OR5D16: variants seen among roughly 807,000 people sequenced by gnomAD.
OR5D16 encodes olfactory receptor family 5 subfamily D member 16.
For missense variants in OR5D16, 477 were observed against 385.5 expected, an observed-to-expected ratio of 1.24 and a Z score of -1.99; for synonymous variants, 185 against 153.2, an observed-to-expected ratio of 1.21 and a Z score of -1.53.
rs764880156 is a variant in OR5D16 at position 55,839,030 on chromosome 11, C to A, written c.279C>A (p.Thr93=). ...TGAACCTGGTTGTAGAAGATAGAAC[C>A]ATTTCATTCTCAGGATGTTTGGTGC... ...MLVNLVVEDR[T]ISFSGCLVQF... is the part of the protein sequence containing the mutation. The change falls in exon 1 of 1, where the codon ACC becomes ACA. Residue 93 remains threonine, a synonymous_variant. Coordinates refer to ENST00000378396, the MANE Select transcript of OR5D16 (RefSeq NM_001005496.1). 6.2e-7 allele frequency: 1 copy of A among 1,613,982 alleles called. No homozygotes were observed. The highest frequency in any genetic ancestry group is 1.7e-5 in the Admixed American group (1 of 60,000).
chr11:55,839,600 G>T lies in OR5D16; in HGVS notation c.849G>T (p.Val283=). The change falls in exon 1 of 1, where the codon GTG becomes GTT. Residue 283 remains valine, a synonymous_variant. Coordinates refer to ENST00000378396, the MANE Select transcript of OR5D16 (RefSeq NM_001005496.1). The part of the protein sequence containing the change: ...VKVASVFYTV[V]IPLLNPLIYS... ...TGGCCTCTGTGTTTTACACCGTGGTGATCCCCTTGTTGAATCCCCTGATCT... is the reference window on the plus strand; with the variant it reads ...TGGCCTCTGTGTTTTACACCGTGGTTATCCCCTTGTTGAATCCCCTGATCT... The T allele has an allele frequency of 5.6e-6, 9 of 1,613,934 alleles. No individual in the cohort carries two copies. Among genetic ancestry groups the T allele is most frequent in the Non-Finnish European group, 7.6e-6 (9 of 1,179,926 alleles).
rs368224881 is a variant in OR5D16, at chr11:55,839,442, C to A, written c.691C>A (p.Pro231Thr). ...CATCATTGTCACCACCTTGAAGATGCCTTCAGCCAGTGGGCACCGCAAAGT... is the reference window on the plus strand; with the variant it reads ...CATCATTGTCACCACCTTGAAGATGACTTCAGCCAGTGGGCACCGCAAAGT... ...AFIIVTTLKM[P>T]SASGHRKVFS... The change falls in exon 1 of 1, where the codon CCT becomes ACT. Residue 231 changes from proline (P) to threonine (T), a missense_variant. Physicochemically the swap from Pro to Thr is conservative, Grantham distance 38 (BLOSUM62 -1). Coordinates refer to ENST00000378396, the MANE Select transcript of OR5D16 (RefSeq NM_001005496.1). The A allele has an allele frequency of 6.2e-7, 1 of 1,613,926 alleles. No individual in the cohort carries two copies. Among genetic ancestry groups the A allele is most frequent in the Non-Finnish European group, 8.5e-7 (1 of 1,179,960 alleles).
In OR5D16 at chr11:55,838,820, G is replaced by A. The variant is rs538465236; in HGVS notation, c.69G>A (p.Leu23=). Residue 23 remains leucine, a synonymous_variant, in exon 1 of 1, where the codon CTG becomes CTA. Transcript: ENST00000378396. The part of the protein sequence containing the change: ...TFTLLGFSDY[L]ELQIPLFFVF... Reference sequence around the variant, plus strand: ...CTCTCTTGGGCTTCTCAGATTACCTGGAACTGCAAATTCCCCTCTTCTTTG... The same window carrying A: ...CTCTCTTGGGCTTCTCAGATTACCTAGAACTGCAAATTCCCCTCTTCTTTG... The A allele has an allele frequency of 6.8e-6, 11 of 1,613,754 alleles. No individual in the cohort carries two copies. In the East Asian group the frequency reaches 2.0e-4, roughly 29 times the overall value.
chr11:55,839,128 T>A lies in OR5D16; in HGVS notation c.377T>A (p.Val126Glu), dbSNP rs1451121533. The stretch of plus-strand genomic sequence containing the variant: ...GCGGTGATGGCCTATGACCACTTTG[T>A]GGCCATTTGCAATCCTCTGCTCTAC... ...LFAVMAYDHF[V>E]AICNPLLYTV... Residue 126 changes from valine (V) to glutamate (E), a missense_variant, in exon 1 of 1, where the codon GTG becomes GAG. By Grantham distance (121) the Val-to-Glu change is moderately radical (BLOSUM62 -2). Transcript: ENST00000378396. The A allele has an allele frequency of 3.1e-6, 5 of 1,613,858 alleles. No homozygotes were observed. Among genetic ancestry groups the A allele is most frequent in the Non-Finnish European group, 4.2e-6 (5 of 1,179,988 alleles).
At position 55,839,100 on chromosome 11, in the gene OR5D16, T is replaced by C. The variant is rs1448594809; in HGVS notation, c.349T>C (p.Phe117Leu). 1.2e-6 allele frequency: 2 copies of C among 1,614,108 alleles called. No individual in the cohort carries two copies. Among genetic ancestry groups the C allele is most frequent in the South Asian group, 1.1e-5 (1 of 91,090 alleles). ...CTFVVTELIL[F>L]AVMAYDHFVA... ...CTTTGTAGTGACTGAATTAATTCTATTTGCGGTGATGGCCTATGACCACTT... is the reference window on the plus strand; with the variant it reads ...CTTTGTAGTGACTGAATTAATTCTACTTGCGGTGATGGCCTATGACCACTT... Residue 117 changes from phenylalanine to leucine, a missense_variant, in exon 1 of 1, where the codon TTT becomes CTT. By Grantham distance (22) the Phe-to-Leu change is conservative. Coordinates refer to ENST00000378396, the MANE Select transcript of OR5D16 (RefSeq NM_001005496.1).
Position 55,839,049 on chromosome 11 carries a change from T to C in OR5D16, c.298T>C (p.Leu100=), listed in dbSNP as rs754578076. Residue 100 remains leucine, a synonymous_variant, in exon 1 of 1, where the codon TTG becomes CTG. Coordinates refer to ENST00000378396, the MANE Select transcript of OR5D16 (RefSeq NM_001005496.1). ...EDRTISFSGC[L]VQFFFFCTFV... is the part of the protein sequence containing the mutation. ...TAGAACCATTTCATTCTCAGGATGT[T>C]TGGTGCAATTCTTTTTCTTTTGCAC... 2.5e-6 allele frequency: 4 copies of C among 1,614,084 alleles called. No homozygotes were observed. The South Asian group carries it at 4.4e-5, about 18-fold the overall frequency.
Position 55,839,468 on chromosome 11 carries a change from C to A in OR5D16, c.717C>A (p.Val239=), listed in dbSNP as rs764583326. The A allele has an allele frequency of 1.7e-5, 27 of 1,613,880 alleles. No individual in the cohort carries two copies. The Admixed American group carries it at 4.3e-4, about 26-fold the overall frequency. ...CTTCAGCCAGTGGGCACCGCAAAGT[C>A]TTCTCCACCTGTGCCTCCCACCTGA... ...KMPSASGHRK[V]FSTCASHLTA... is the part of the protein sequence containing the mutation. Residue 239 remains valine, a synonymous_variant, in exon 1 of 1, where the codon GTC becomes GTA. Coordinates refer to ENST00000378396, the MANE Select transcript of OR5D16 (RefSeq NM_001005496.1).
chr11:55,839,074 C>G lies in OR5D16; in HGVS notation c.323C>G (p.Thr108Ser). 1 of 1,613,942 alleles carries G rather than the reference C, an allele frequency of 6.2e-7. No individual in the cohort carries two copies. The highest frequency in any genetic ancestry group is 1.3e-5 in the African/African-American group (1 of 74,984). Residue 108 changes from threonine (T) to serine (S), a missense_variant, in exon 1 of 1, where the codon ACC becomes AGC. Physicochemically the swap from Thr to Ser is moderately conservative, Grantham distance 58. Transcript: ENST00000378396. Reference sequence around the variant, plus strand: ...TTGGTGCAATTCTTTTTCTTTTGCACCTTTGTAGTGACTGAATTAATTCTA... The same window carrying G: ...TTGGTGCAATTCTTTTTCTTTTGCAGCTTTGTAGTGACTGAATTAATTCTA... ...GCLVQFFFFCTFVVTELILFA... is the reference protein window; with the variant it reads ...GCLVQFFFFCSFVVTELILFA...
In OR5D16 at chr11:55,838,874, G is replaced by A. The variant is rs1311116630; in HGVS notation, c.123G>A (p.Val41=). 1 of 1,613,912 alleles carries A rather than the reference G, an allele frequency of 6.2e-7. No homozygotes were observed. Among genetic ancestry groups the A allele is most frequent in the Non-Finnish European group, 8.5e-7 (1 of 1,179,946 alleles). Reference sequence around the variant, plus strand: ...TTCTGGCAGTCTACGGCTTCAGTGTGGTAGGGAATCTTGGGATGATAGTGA... The same window carrying A: ...TTCTGGCAGTCTACGGCTTCAGTGTAGTAGGGAATCTTGGGATGATAGTGA... ...FVFLAVYGFS[V]VGNLGMIVII... Residue 41 remains valine, a synonymous_variant, in exon 1 of 1, where the codon GTG becomes GTA. Coordinates refer to ENST00000378396, the MANE Select transcript of OR5D16 (RefSeq NM_001005496.1).
At position 55,839,656 on chromosome 11, in the gene OR5D16, C is replaced by A; in HGVS notation, c.905C>A (p.Ala302Glu). The change falls in exon 1 of 1, where the codon GCA becomes GAA. Residue 302 changes from alanine to glutamate, a missense_variant. By Grantham distance (107) the Ala-to-Glu change is moderately radical (BLOSUM62 -1). Transcript: ENST00000378396. ...CTGAGAAATAAAGATGTTAAGGATG[C>A]AATCCGAAAAATAATCAATACAAAA... ...YSLRNKDVKD[A>E]IRKIINTKYF... is the part of the protein sequence containing the mutation. 1 of 1,611,528 alleles carries A rather than the reference C, an allele frequency of 6.2e-7. No individual in the cohort carries two copies. Among genetic ancestry groups the A allele is most frequent in the Non-Finnish European group, 8.5e-7 (1 of 1,177,844 alleles).
At position 55,839,070 on chromosome 11, in the gene OR5D16, T is replaced by G. The variant is rs780577207; in HGVS notation, c.319T>G (p.Cys107Gly). Residue 107 changes from cysteine to glycine, a missense_variant, in exon 1 of 1, where the codon TGC (cysteine) becomes GGC (glycine). Physicochemically the swap from Cys to Gly is radical, Grantham distance 159 (BLOSUM62 -3). Transcript: ENST00000378396. ...SGCLVQFFFF[C>G]TFVVTELILF... is the part of the protein sequence containing the mutation. ...ATGTTTGGTGCAATTCTTTTTCTTT[T>G]GCACCTTTGTAGTGACTGAATTAAT... The G allele has an allele frequency of 6.2e-7, 1 of 1,614,106 alleles. No individual in the cohort carries two copies. The highest frequency in any genetic ancestry group is 2.2e-5 in the East Asian group (1 of 44,862).
rs779730613 is a variant in OR5D16 at position 55,838,887 on chromosome 11, G to C, written c.136G>C (p.Gly46Arg). The change falls in exon 1 of 1, where the codon GGG (glycine) becomes CGG (arginine). Residue 46 changes from glycine to arginine, a missense_variant. Physicochemically the swap from Gly to Arg is moderately radical, Grantham distance 125. Coordinates refer to ENST00000378396, the MANE Select transcript of OR5D16 (RefSeq NM_001005496.1). The stretch of plus-strand genomic sequence containing the variant: ...CGGCTTCAGTGTGGTAGGGAATCTT[G>C]GGATGATAGTGATCATCAAAATTAA... ...VYGFSVVGNL[G>R]MIVIIKINPK... is the part of the protein sequence containing the mutation. The C allele has an allele frequency of 5.0e-6, 8 of 1,613,776 alleles. No individual in the cohort carries two copies. The highest frequency in any genetic ancestry group is 1.7e-4 in the Middle Eastern group (1 of 6,058).
In OR5D16 at chr11:55,839,455, G is replaced by T. The variant is rs781145056; in HGVS notation, c.704G>T (p.Gly235Val). The change falls in exon 1 of 1, where the codon GGG becomes GTG. Residue 235 changes from glycine (G) to valine (V), a missense_variant. Physicochemically the swap from Gly to Val is moderately radical, Grantham distance 109. Transcript: ENST00000378396. ...VTTLKMPSAS[G>V]HRKVFSTCAS... ...ACCTTGAAGATGCCTTCAGCCAGTG[G>T]GCACCGCAAAGTCTTCTCCACCTGT... 1.2e-6 allele frequency: 2 copies of T among 1,613,900 alleles called. No individual in the cohort carries two copies. The highest frequency in any genetic ancestry group is 4.5e-5 in the East Asian group (2 of 44,852).
Position 55,838,931 on chromosome 11 carries a change from C to G in OR5D16, c.180C>G (p.Pro60=). 8.1e-6 allele frequency: 13 copies of G among 1,613,952 alleles called. No individual in the cohort carries two copies. Among genetic ancestry groups the G allele is most frequent in the Non-Finnish European group, 1.1e-5 (13 of 1,179,882 alleles). Reference sequence around the variant, plus strand: ...AAATTAACCCAAAATTGCATACCCCCATGTATTTTTTCCTCAACCACCTCT... The same window carrying G: ...AAATTAACCCAAAATTGCATACCCCGATGTATTTTTTCCTCAACCACCTCT... ...IIKINPKLHT[P]MYFFLNHLSF... is the part of the protein sequence containing the mutation. Residue 60 remains proline, a synonymous_variant, in exon 1 of 1, where the codon CCC becomes CCG. Coordinates refer to ENST00000378396, the MANE Select transcript of OR5D16 (RefSeq NM_001005496.1).
Position 55,839,730 on chromosome 11 carries a change from G to A in OR5D16, c.979G>A (p.Glu327Lys), listed in dbSNP as rs746687650. ...TTGGTATCCATTTAATTTTGTTATT[G>A]AACAATAAATTTTTCCTGTTTTTTC... The part of the protein sequence containing the change: ...RHWYPFNFVI[E>K]Q Residue 327 changes from glutamate (E) to lysine (K), a missense_variant, in exon 1 of 1, where the codon GAA becomes AAA. Coordinates refer to ENST00000378396, the MANE Select transcript of OR5D16 (RefSeq NM_001005496.1). 4 of 1,563,522 alleles carry A rather than the reference G, an allele frequency of 2.6e-6. No homozygotes were observed. The African/African-American group carries it at 5.5e-5, about 21-fold the overall frequency.
At position 55,839,604 on chromosome 11, in the gene OR5D16, C is replaced by T. The variant is rs1270946529; in HGVS notation, c.853C>T (p.Pro285Ser). The T allele has an allele frequency of 6.2e-7, 1 of 1,613,916 alleles. No homozygotes were observed. Among genetic ancestry groups the T allele is most frequent in the Non-Finnish European group, 8.5e-7 (1 of 1,179,914 alleles). ...VASVFYTVVI[P>S]LLNPLIYSLR... is the part of the protein sequence containing the mutation. Reference sequence around the variant, plus strand: ...CTCTGTGTTTTACACCGTGGTGATCCCCTTGTTGAATCCCCTGATCTACAG... The same window carrying T: ...CTCTGTGTTTTACACCGTGGTGATCTCCTTGTTGAATCCCCTGATCTACAG... The change falls in exon 1 of 1, where the codon CCC (proline) becomes TCC (serine). Residue 285 changes from proline to serine, a missense_variant. Coordinates refer to ENST00000378396, the MANE Select transcript of OR5D16 (RefSeq NM_001005496.1).
chr11:55,839,226 C>T lies in OR5D16; in HGVS notation c.475C>T (p.Leu159=), dbSNP rs753439223. ...VLYAWGVACS[L]TLACSALKLS... is the part of the protein sequence containing the mutation. Reference sequence around the variant, plus strand: ...GTATGCATGGGGAGTCGCATGTTCCCTGACACTCGCGTGCTCTGCTTTAAA... The same window carrying T: ...GTATGCATGGGGAGTCGCATGTTCCTTGACACTCGCGTGCTCTGCTTTAAA... The change falls in exon 1 of 1, where the codon CTG becomes TTG. Residue 159 remains leucine, a synonymous_variant. Coordinates refer to ENST00000378396, the MANE Select transcript of OR5D16 (RefSeq NM_001005496.1). The T allele has an allele frequency of 5.6e-6, 9 of 1,614,002 alleles. No homozygotes were observed. The highest frequency in any genetic ancestry group is 1.7e-4 in the Middle Eastern group (1 of 6,060).
Position 55,838,898 on chromosome 11 carries a change from GATC to G in OR5D16, c.152_154del (p.Ile51del). On this transcript the variant is annotated inframe_deletion, in exon 1 of 1. Coordinates refer to ENST00000378396, the MANE Select transcript of OR5D16 (RefSeq NM_001005496.1). ...TGGTAGGGAATCTTGGGATGATAGT[GATC>G]ATCAAAATTAACCCAAAATTGCATA... 6.2e-7 allele frequency: 1 copy of G among 1,613,882 alleles called. No individual in the cohort carries two copies. Among genetic ancestry groups the G allele is most frequent in the Non-Finnish European group, 8.5e-7 (1 of 1,179,894 alleles).
In OR5D16 at chr11:55,839,257, C is replaced by A. The variant is rs775457826; in HGVS notation, c.506C>A (p.Ser169Tyr). Residue 169 changes from serine to tyrosine, a missense_variant, in exon 1 of 1, where the codon TCT (serine) becomes TAT (tyrosine). Coordinates refer to ENST00000378396, the MANE Select transcript of OR5D16 (RefSeq NM_001005496.1). ...LTLACSALKL[S>Y]FHGFNTINHF... ...CTCGCGTGCTCTGCTTTAAAGTTAT[C>A]TTTTCATGGTTTCAACACAATCAAT... 5.0e-6 allele frequency: 8 copies of A among 1,614,022 alleles called. No homozygotes were observed. The highest frequency in any genetic ancestry group is 5.1e-6 in the Non-Finnish European group (6 of 1,179,976).
Sources: gnomAD v4.1 joint callset for allele counts on GRCh38, gnomAD v4.1.1 for gene constraint, MANE v1.5 for transcripts, NCBI Gene and HGNC (gene_info 2026-07-23, HGNC 2026-07-21) for gene names.